The following TPO variants were observed in gnomAD, a reference collection of about 807,000 sequenced individuals.
TPO encodes thyroid peroxidase.
TPO carries 78 observed loss-of-function variants against 96.9 expected under a neutral mutation model. That is an observed-to-expected ratio of 0.81 (90% CI 0.67 to 0.97). The LOEUF (loss-of-function observed/expected upper bound fraction) is 0.97, where lower values mean the gene tolerates loss of function less well. Ranked by LOEUF, TPO falls within the 50% of genes least tolerant of loss-of-function variation. TPO has a pLI of 0.00. For synonymous variants in TPO, 547 were observed against 538.0 expected (o/e 1.02, Z -0.23); for missense variants, 1,252 against 1,274.8 (o/e 0.98, Z 0.27).
intron 10 of TPO, among the ~76,000 whole-genome samples, chr2:1,493,373 C>T (rs1254187344): frequency 6.6e-6 from 1 of 152,198 alleles, no homozygotes; most frequent in East Asian, 1.9e-4. Context: ...AGCATTCTTG[C>T]TGTCTCCAGC....
At chr2:1,457,548 G>C (rs937819681) in intron 7 of TPO, among the ~76,000 whole-genome samples, 1 of 145,104 alleles carries the variant, frequency 6.9e-6, no homozygotes, top group African/African-American at 2.6e-5. Context: ...GTATGATCGT[G>C]TGTGGGCAGA....
intron 15 of TPO, among the ~76,000 whole-genome samples, chr2:1,536,614 C>G (rs1299500216): frequency 1.7e-5 from 1 of 58,772 alleles, no homozygotes; most frequent in Non-Finnish European, 3.4e-5. Context: ...TCCTCAAATG[C>G]CCCTAGCTTT....
At chr2:1,403,295 G>A (rs1008323327) in intron 1 of TPO, among the ~76,000 whole-genome samples, 5 of 152,182 alleles carry the variant, frequency 3.3e-5, no homozygotes, top group African/African-American at 4.8e-5. Flanking sequence ...GGCCATGCCC[G>A]GGCAGCCTGG....
chr2:1,406,923 A>AT (rs1485194156), intron 1 of TPO, among the ~76,000 whole-genome samples: 5 of 152,348 alleles, frequency 3.3e-5, no homozygotes, highest in African/African-American at 1.2e-4. Context: ...ATGAGTATGT[A>AT]TTTAGTCCTC....
intron 8 of TPO, among the ~76,000 whole-genome samples, chr2:1,478,694 C>T (rs573761822): frequency 1.3e-5 from 2 of 152,388 alleles, no homozygotes; most frequent in South Asian, 2.1e-4. Flanking sequence ...CAGACGGGCT[C>T]ACTGTCCTAA....
intron 3 of TPO, among the ~76,000 whole-genome samples, chr2:1,430,719 G>A (rs1469284619): frequency 1.3e-5 from 2 of 152,240 alleles, no homozygotes; most frequent in Non-Finnish European, 2.9e-5. Context: ...CCAGGGTACA[G>A]GACACGGAGT....
At chr2:1,482,524 C>A (rs960624741) in intron 8 of TPO, among the ~76,000 whole-genome samples, 1 of 152,156 alleles carries the variant, frequency 6.6e-6, no homozygotes, top group Non-Finnish European at 1.5e-5. Context: ...CACCTGACAG[C>A]GACGATGCCC....
upstream of TPO, among the ~76,000 whole-genome samples, chr2:1,410,142 C>A (rs1271276806): frequency 6.6e-6 from 1 of 152,124 alleles, no homozygotes; most frequent in Non-Finnish European, 1.5e-5. Flanking sequence ...ATCACACACA[C>A]AAAAGGATGA....
chr2:1,395,403 T>G (rs1325543657), intron 1 of TPO, among the ~76,000 whole-genome samples: 1 of 152,212 alleles, frequency 6.6e-6, no homozygotes, highest in Non-Finnish European at 1.5e-5. Flanking sequence ...AGCTCTGCAC[T>G]TAAAGGTCAT....
chr2:1,379,173 C>A (rs988686885), intron 1 of TPO, among the ~76,000 whole-genome samples: 2 of 151,966 alleles, frequency 1.3e-5, no homozygotes, highest in African/African-American at 2.4e-5. Flanking sequence ...GGTGTGGTGG[C>A]GCACGCATGT....
At chr2:1,509,322 GCCCTCTTCTTTCAGGGACACCACA>G (rs1673822972) in intron 14 of TPO, among the ~76,000 whole-genome samples, 1 of 149,010 alleles carries the variant, frequency 6.7e-6, no homozygotes, top group Non-Finnish European at 1.5e-5. Flanking sequence ...AGGCACACCC[GCCCTCTTCTTTCAGGGACACCACA>G]CCCTCTTGTA....
chr2:1,389,330 A>G (rs1395718112), intron 1 of TPO, among the ~76,000 whole-genome samples: 3 of 152,302 alleles, frequency 2.0e-5, no homozygotes, highest in Middle Eastern at 3.4e-3. Flanking sequence ...ACATTCATTG[A>G]ACAAACAAAT....
chr2:1,441,986 T>G (rs896445502), intron 5 of TPO, among the ~76,000 whole-genome samples: 3 of 152,076 alleles, frequency 2.0e-5, no homozygotes, highest in African/African-American at 7.2e-5. Context: ...GTCTTTCTTG[T>G]GATGTTCTCG....
chr2:1,399,032 T>A (rs1420645544), intron 1 of TPO, among the ~76,000 whole-genome samples: 1 of 152,194 alleles, frequency 6.6e-6, no homozygotes, highest in Non-Finnish European at 1.5e-5. Context: ...ACCAGAGACA[T>A]TTCTTCCCTC....
chr2:1,381,824 T>G (rs2148344284), intron 1 of TPO, among the ~76,000 whole-genome samples: 1 of 152,302 alleles, frequency 6.6e-6, no homozygotes, highest in Middle Eastern at 3.4e-3. Context: ...CTAAGTGATG[T>G]GGAACTGAGC....
rs992392323 is a variant in TPO at position 1,540,723 on chromosome 2, G to A, written c.2748G>A (p.Gln916=). 6.2e-7 allele frequency: 1 copy of A among 1,613,352 alleles called. No homozygotes were observed. Among genetic ancestry groups the A allele is most frequent in the Admixed American group, 1.7e-5 (1 of 60,030 alleles). The change falls in exon 16 of 17, where the codon CAG becomes CAA. Residue 916 remains glutamine (Q), a splice_region_variant and synonymous_variant. Transcript: ENST00000329066. ...PQRAAAQDSE[Q]ESAGMEGRDT... The stretch of plus-strand genomic sequence containing the variant: ...GGGCCGCAGCTCAGGACTCGGAGCA[G>A]GTGGGCCACACCATGCCGCATGTTT...
chr2:1,387,043 A>G (rs968348092), intron 1 of TPO, among the ~76,000 whole-genome samples: 1 of 151,990 alleles, frequency 6.6e-6, no homozygotes, highest in African/African-American at 2.4e-5. Flanking sequence ...ATTGGCCCCC[A>G]CTCTCTTCTG....
At chr2:1,488,045 A>G in intron 10 of TPO, 54 bp downstream of exon 10, 1 of 1,608,826 alleles carries the variant, frequency 6.2e-7, no homozygotes, top group South Asian at 1.1e-5. Flanking sequence ...GGATTTGCCG[A>G]GCTAGCAACC....
chr2:1,380,195 C>T (rs1661786356), intron 1 of TPO, among the ~76,000 whole-genome samples: 2 of 152,044 alleles, frequency 1.3e-5, no homozygotes, highest in Admixed American at 6.6e-5. Flanking sequence ...GAGATCAAGA[C>T]CATCCTGGCT....
Sources: gnomAD v4.1 joint callset for allele counts (sites outside exome capture counted in the v4.1 genomes callset) on GRCh38, gnomAD v4.1.1 for gene constraint, MANE v1.5 for transcripts, NCBI Gene and HGNC (gene_info 2026-07-23, HGNC 2026-07-21) for gene names.